FER: variants seen among roughly 807,000 people sequenced by gnomAD.
The protein encoded by FER is FER tyrosine kinase.
In FER, 63 loss-of-function variants were observed where a neutral mutation model predicts 111.0. The observed-to-expected ratio is 0.57, with a 90% CI of 0.46 to 0.70. The LOEUF (loss-of-function observed/expected upper bound fraction) is 0.70, where lower values mean the gene tolerates loss of function less well. FER is among the 30% of genes least tolerant of loss of function. The pLI is 0.00. For synonymous variants in FER, 327 were observed against 313.9 expected (o/e 1.04, Z -0.44); for missense variants, 914 against 954.0 (o/e 0.96, Z 0.55).
Position 109,030,324 on chromosome 5 carries a change from C to T in FER, c.1657-7098C>T, listed in dbSNP as rs528412381. On this transcript the variant is annotated intron_variant, in intron 13 of 19. Coordinates refer to ENST00000281092, the MANE Select transcript of FER (RefSeq NM_005246.4). ...ATCCATCCCACTGTTGGTTGACTGT[C>T]TTTTCTCATTCAGATTGTGATTTTC... Among the ~76,000 whole-genome samples, 20 of 152,208 alleles carry T rather than the reference C, an allele frequency of 1.3e-4. No homozygotes were observed. In the South Asian group the frequency reaches 4.1e-3, roughly 32 times the overall value.
chr5:109,023,422 TGGATAC>T (rs1768209412), intron 13 of FER, among the ~76,000 whole-genome samples: 1 of 152,130 alleles, frequency 6.6e-6, no homozygotes, highest in Non-Finnish European at 1.5e-5. Flanking sequence ...AGTAGGCACT[TGGATAC>T]GTCCAAGTTG....
intron 16 of FER, among the ~76,000 whole-genome samples, chr5:109,057,190 C>T (rs1773764252): frequency 6.6e-6 from 1 of 152,032 alleles, no homozygotes; most frequent in South Asian, 2.1e-4. Context: ...GAAGAAAGGA[C>T]TCAAAGTAAC....
chr5:109,044,345 A>G (rs566891354), intron 14 of FER, among the ~76,000 whole-genome samples: 1 of 151,796 alleles, frequency 6.6e-6, no homozygotes, highest in South Asian at 2.1e-4. Context: ...TGCTCAGCTA[A>G]TTTTTTGGTA....
intron 10 of FER, among the ~76,000 whole-genome samples, chr5:108,910,294 TCTCTA>T (rs917523067): frequency 2.0e-5 from 3 of 152,250 alleles, no homozygotes; most frequent in Non-Finnish European, 4.4e-5. Flanking sequence ...TCGAACCTGC[TCTCTA>T]CTCTAGCCAA....
intron 16 of FER, among the ~76,000 whole-genome samples, chr5:109,088,124 A>G (rs2031789102): frequency 6.6e-6 from 1 of 152,002 alleles, no homozygotes; most frequent in South Asian, 2.1e-4. Context: ...ACTTGGGATC[A>G]TAGTGAAAAA....
chr5:109,103,300 A>G (rs1048777417), intron 17 of FER, among the ~76,000 whole-genome samples: 1 of 152,160 alleles, frequency 6.6e-6, no homozygotes, highest in African/African-American at 2.4e-5. Flanking sequence ...GGAGGTCACT[A>G]GAACTCAGTA....
At chr5:108,771,062 A>G (rs908868939) in intron 2 of FER, among the ~76,000 whole-genome samples, 6 of 151,618 alleles carry the variant, frequency 4.0e-5, no homozygotes, top group African/African-American at 1.5e-4. Context: ...CATCCTCCCG[A>G]GTAGCTGGGA....
chr5:109,064,434 C>T (rs1257982704), intron 16 of FER, among the ~76,000 whole-genome samples: 7 of 152,068 alleles, frequency 4.6e-5, no homozygotes, highest in Admixed American at 2.0e-4. Flanking sequence ...ATAACTATTT[C>T]AGTTAATAGG....
At chr5:109,084,632 T>A (rs1215505473) in intron 16 of FER, among the ~76,000 whole-genome samples, 1 of 151,960 alleles carries the variant, frequency 6.6e-6, no homozygotes, top group East Asian at 1.9e-4. Context: ...ATCTTCCCCC[T>A]ACCCCTCTTT....
intron 16 of FER, 33 bp from the exon 17 acceptor site, chr5:109,100,363 T>G: frequency 6.2e-7 from 1 of 1,605,190 alleles, no homozygotes. Flanking sequence ...TCATCATAAC[T>G]TTGTCTCATT....
intron 2 of FER, among the ~76,000 whole-genome samples, chr5:108,769,459 T>G (rs1752663015): frequency 6.6e-6 from 1 of 152,162 alleles, no homozygotes; most frequent in South Asian, 2.1e-4. Context: ...TAGAAATATT[T>G]AGGGCTTTGA....
intron 10 of FER, among the ~76,000 whole-genome samples, chr5:108,918,644 G>C (rs1013670564): frequency 6.6e-6 from 1 of 151,802 alleles, no homozygotes; most frequent in Non-Finnish European, 1.5e-5. Flanking sequence ...CCGCCACCAC[G>C]CCTGGCTAAT....
At chr5:109,138,744 G>A (rs1339408929) in intron 17 of FER, among the ~76,000 whole-genome samples, 1 of 152,140 alleles carries the variant, frequency 6.6e-6, no homozygotes, top group Non-Finnish European at 1.5e-5. Flanking sequence ...TTACCCTCTC[G>A]AAGCAGTTAG....
rs1465318957 is a variant in FER at position 108,855,159 on chromosome 5, A to G, written c.482-12608A>G. Among the ~76,000 whole-genome samples the G allele has an allele frequency of 6.5e-4, 99 of 152,092 alleles. 1 individual carries two copies. The highest frequency in any genetic ancestry group is 1.0e-4 in the Non-Finnish European group (7 of 68,008). On this transcript the variant is annotated intron_variant, in intron 5 of 19. Transcript: ENST00000281092. ...AGTGGAACTGTTGAATTAAATCTCT[A>G]GTTCAGCAGTTCCAGGGAGAGGTCT...
chr5:108,785,925 C>T (rs1484784474), intron 2 of FER, among the ~76,000 whole-genome samples: 3 of 152,144 alleles, frequency 2.0e-5, no homozygotes, highest in East Asian at 1.9e-4. Context: ...CAGAGTTCTT[C>T]GTTTGTCTCT....
At chr5:108,762,556 G>C (rs1001913943) in intron 1 of FER, among the ~76,000 whole-genome samples, 19 of 152,000 alleles carry the variant, frequency 1.3e-4, no homozygotes, top group Non-Finnish European at 2.5e-4. Context: ...ATCTTTCAGG[G>C]GTTTCCCACA....
At chr5:108,767,497 C>T (rs906493768) in intron 1 of FER, among the ~76,000 whole-genome samples, 14 of 152,082 alleles carry the variant, frequency 9.2e-5, no homozygotes, top group African/African-American at 2.9e-4. Flanking sequence ...CAGACTTTTT[C>T]GGTTTTTGAG....
intron 17 of FER, among the ~76,000 whole-genome samples, chr5:109,163,808 T>C (rs966854366): frequency 3.9e-5 from 6 of 152,170 alleles, no homozygotes; most frequent in South Asian, 2.1e-4. Flanking sequence ...GTGTATTCTT[T>C]GATCATCTAA....
chr5:108,959,331 T>C lies in FER; in HGVS notation c.1640T>C (p.Leu547Pro). Residue 547 changes from leucine (L) to proline (P), a missense_variant, in exon 13 of 20, where the codon CTG becomes CCG. Coordinates refer to ENST00000281092, the MANE Select transcript of FER (RefSeq NM_005246.4). The part of the protein sequence containing the change: ...VITKKSGVVL[L>P]NPIPKDKKWI... ...ACTAAGAAATCAGGTGTAGTTCTGC[T>C]GAATCCTATTCCTAAGGTAGGTGCT... is the stretch of plus-strand genomic sequence containing the variant. 1.9e-6 allele frequency: 3 copies of C among 1,611,108 alleles called. No homozygotes were observed. Among genetic ancestry groups the C allele is most frequent in the Non-Finnish European group, 2.5e-6 (3 of 1,178,324 alleles).
Sources: gnomAD v4.1 joint callset for allele counts (sites outside exome capture counted in the v4.1 genomes callset) on GRCh38, gnomAD v4.1.1 for gene constraint, MANE v1.5 for transcripts, NCBI Gene and HGNC (gene_info 2026-07-23, HGNC 2026-07-21) for gene names.